Variants in PLEKHH2 observed in about 807,000 individuals in gnomAD.
PLEKHH2 encodes pleckstrin homology, MyTH4 and FERM domain containing H2.
In PLEKHH2, 129 loss-of-function variants were observed where a neutral mutation model predicts 187.9. The ratio of observed to expected loss-of-function variants is 0.69; its 90% CI spans 0.59 to 0.79. The LOEUF (loss-of-function observed/expected upper bound fraction) is 0.79. Among genes scored for constraint, PLEKHH2 ranks in the 30% least tolerant of loss-of-function variants. The pLI is 0.00. For synonymous variants in PLEKHH2, 686 were observed against 605.6 expected (o/e 1.13, Z -1.95); for missense variants, 2,076 against 1,751.2 (o/e 1.19, Z -3.31).
chr2:43,699,971 A>C lies in PLEKHH2; in HGVS notation c.1013A>C (p.Glu338Ala). Reference sequence around the variant, plus strand: ...GATGACAGCAGCTCTATATTTGAGGAAGAGACTTTTGGCATAAAGAGACCA... The same window carrying C: ...GATGACAGCAGCTCTATATTTGAGGCAGAGACTTTTGGCATAAAGAGACCA... ...ASDDSSSIFEEETFGIKRPEH... is the reference protein window; with the variant it reads ...ASDDSSSIFEAETFGIKRPEH... Residue 338 changes from glutamate (E) to alanine (A), a missense_variant, in exon 8 of 30, where the codon GAA becomes GCA. Transcript: ENST00000282406. The C allele has an allele frequency of 6.2e-7, 1 of 1,614,182 alleles. No homozygotes were observed. The highest frequency in any genetic ancestry group is 8.5e-7 in the Non-Finnish European group (1 of 1,180,032).
At position 43,747,376 on chromosome 2, in the gene PLEKHH2, G is replaced by A. The variant is rs140371856; in HGVS notation, c.3653+1413G>A. 6.9e-3 allele frequency among the ~76,000 whole-genome samples: 1,053 copies of A among 152,218 alleles called. 17 individuals carry two copies. The highest frequency in any genetic ancestry group is 0.024 in the African/African-American group (1,010 of 41,544). ...GCCTGACCTAGACGGGAGACCTCGG[G>A]AGGCTTCTTTGAGGAAATGATGTTT... is the stretch of plus-strand genomic sequence containing the variant. On this transcript the variant is annotated intron_variant, in intron 24 of 29. Coordinates refer to ENST00000282406, the MANE Select transcript of PLEKHH2 (RefSeq NM_172069.4).
intron 23 of PLEKHH2, among the ~76,000 whole-genome samples, chr2:43,744,830 T>G (rs1281605047): frequency 7.4e-6 from 1 of 134,456 alleles, no homozygotes; most frequent in African/African-American, 2.9e-5. Context: ...ATCACGCCAC[T>G]GCACTCCAGC....
At chr2:43,655,042 A>G (rs1666683545) in intron 2 of PLEKHH2, among the ~76,000 whole-genome samples, 1 of 151,746 alleles carries the variant, frequency 6.6e-6, no homozygotes, top group South Asian at 2.1e-4. Context: ...AAAAAATTAA[A>G]ATAAAGAAAT....
chr2:43,698,278 C>A (rs1669189256), intron 7 of PLEKHH2, among the ~76,000 whole-genome samples: 1 of 146,246 alleles, frequency 6.8e-6, no homozygotes, highest in African/African-American at 2.6e-5. Flanking sequence ...GACAGGATCT[C>A]ACTCTGTCTC....
chr2:43,646,549 A>C (rs952627235), intron 2 of PLEKHH2, among the ~76,000 whole-genome samples: 2 of 152,230 alleles, frequency 1.3e-5, no homozygotes, highest in Non-Finnish European at 2.9e-5. Context: ...GGTTGCAATT[A>C]GTTGACCTTT....
intron 7 of PLEKHH2, among the ~76,000 whole-genome samples, chr2:43,697,759 A>G (rs1330667576): frequency 6.6e-6 from 1 of 152,182 alleles, no homozygotes; most frequent in Non-Finnish European, 1.5e-5. Flanking sequence ...TATTTAAAAT[A>G]TAAAACATTA....
chr2:43,701,232 T>G (rs1669345679), intron 8 of PLEKHH2, among the ~76,000 whole-genome samples: 1 of 152,196 alleles, frequency 6.6e-6, no homozygotes, highest in South Asian at 2.1e-4. Context: ...GCCATGCCCC[T>G]CTAAAACTTA....
intron 3 of PLEKHH2, chr2:43,680,836 A>G: frequency 1.5e-5 from 7 of 471,946 alleles, no homozygotes. Flanking sequence ...TATTTGCTTG[A>G]CTTATTTGAT....
At chr2:43,721,947 G>T (rs201929117) in intron 16 of PLEKHH2, among the ~76,000 whole-genome samples, 1 of 152,056 alleles carries the variant, frequency 6.6e-6, no homozygotes, top group South Asian at 2.1e-4. Context: ...ACATACAAAT[G>T]CTACCCGAAT....
At chr2:43,659,570 A>G (rs1051619522) in intron 2 of PLEKHH2, among the ~76,000 whole-genome samples, 3 of 143,122 alleles carry the variant, frequency 2.1e-5, no homozygotes, top group Non-Finnish European at 4.6e-5. Flanking sequence ...GTTGCAAGGC[A>G]CTTTTTTTTT....
intron 3 of PLEKHH2, among the ~76,000 whole-genome samples, chr2:43,687,370 C>T (rs1286329080): frequency 6.6e-6 from 1 of 152,048 alleles, no homozygotes; most frequent in African/African-American, 2.4e-5. Context: ...GTGTATGTAC[C>T]ACATTTTCTT....
chr2:43,706,789 T>C (rs1669678962), intron 10 of PLEKHH2, among the ~76,000 whole-genome samples: 1 of 152,190 alleles, frequency 6.6e-6, no homozygotes. Context: ...AAAAGAAGGA[T>C]TGCAGGTATT....
chr2:43,707,690 T>C (rs567199916), intron 11 of PLEKHH2, 145 bp downstream of exon 11: 32 of 851,486 alleles, frequency 3.8e-5, no homozygotes, highest in South Asian at 2.5e-4. Flanking sequence ...ATGACTGATA[T>C]GTTTATATTC....
chr2:43,711,155 G>A, intron 14 of PLEKHH2: 1 of 985,532 alleles, frequency 1.0e-6, no homozygotes, highest in South Asian at 4.7e-5. Flanking sequence ...AGATATTCTA[G>A]TATATGTAAT....
At chr2:43,677,486 C>T (rs925529239) in intron 2 of PLEKHH2, among the ~76,000 whole-genome samples, 9 of 152,020 alleles carry the variant, frequency 5.9e-5, no homozygotes, top group African/African-American at 2.2e-4. Context: ...GTGGACACAG[C>T]ACATGTTTCA....
At chr2:43,705,830 A>G (rs1669630786) in intron 9 of PLEKHH2, among the ~76,000 whole-genome samples, 1 of 152,060 alleles carries the variant, frequency 6.6e-6, no homozygotes, top group Non-Finnish European at 1.5e-5. Flanking sequence ...GTTGGTCTCA[A>G]ACTCCTGGGC....
At chr2:43,689,135 TC>T (rs1668673385) in intron 3 of PLEKHH2, among the ~76,000 whole-genome samples, 2 of 152,292 alleles carry the variant, frequency 1.3e-5, no homozygotes, top group South Asian at 4.1e-4. Flanking sequence ...AGAGGTTGTC[TC>T]CCAAGAGCCA....
intron 2 of PLEKHH2, among the ~76,000 whole-genome samples, chr2:43,648,736 A>G (rs1666317342): frequency 6.6e-6 from 1 of 151,708 alleles, no homozygotes; most frequent in Non-Finnish European, 1.5e-5. Flanking sequence ...ATGGGCCACC[A>G]CATCTGGCTA....
At chr2:43,657,751 A>G (rs192304428) in intron 2 of PLEKHH2, among the ~76,000 whole-genome samples, 1 of 152,354 alleles carries the variant, frequency 6.6e-6, no homozygotes, top group Non-Finnish European at 1.5e-5. Flanking sequence ...CTGTACTTCA[A>G]GAAGGTGGAC....
Sources: gnomAD v4.1 joint callset for allele counts (sites outside exome capture counted in the v4.1 genomes callset) on GRCh38, gnomAD v4.1.1 for gene constraint, MANE v1.5 for transcripts, NCBI Gene and HGNC (gene_info 2026-07-23, HGNC 2026-07-21) for gene names.